TMEM269: variants seen among roughly 807,000 people sequenced by gnomAD.
The protein encoded by TMEM269 is transmembrane protein 269.
In TMEM269, 12 loss-of-function variants were observed where a neutral mutation model predicts 15.8. The ratio of observed to expected loss-of-function variants is 0.76; its 90% CI spans 0.49 to 1.23. The LOEUF (loss-of-function observed/expected upper bound fraction) is 1.23. Among genes scored for constraint, TMEM269 ranks in the 50% most tolerant of loss-of-function variants. The probability of loss-of-function intolerance (pLI) is 0.00; values close to 1 mark genes in which losing one functional copy is unlikely to be tolerated. For missense variants in TMEM269, 211 were observed against 245.4 expected (o/e 0.86, Z 0.94); for synonymous variants, 93 against 99.3 (o/e 0.94, Z 0.38).
intron 2 of TMEM269, 23 bp downstream of exon 2, chr1:42,789,957 T>C: frequency 6.5e-7 from 1 of 1,529,152 alleles, no homozygotes; most frequent in Non-Finnish European, 8.9e-7. Flanking sequence ...CCCAGCAAGC[T>C]CTTAGCCAAG....
intron 2 of TMEM269, among the ~76,000 whole-genome samples, chr1:42,790,433 A>G (rs1653663793): frequency 6.6e-6 from 1 of 152,060 alleles, no homozygotes; most frequent in African/African-American, 2.4e-5. Context: ...TCAGTAAGTG[A>G]CTTCTCTTTG....
At chr1:42,798,018 T>G (rs1351333206) in intron 5 of TMEM269, 80 bp from the exon 6 acceptor site, 2 of 1,474,062 alleles carry the variant, frequency 1.4e-6, no homozygotes, top group Admixed American at 2.0e-5. Flanking sequence ...AATGGGAGGG[T>G]GGGGACGGGA....
chr1:42,791,609 T>G (rs761230240), intron 2 of TMEM269, among the ~76,000 whole-genome samples: 2 of 152,158 alleles, frequency 1.3e-5, no homozygotes, highest in Non-Finnish European at 2.9e-5. Flanking sequence ...ATGCATATAG[T>G]CAAGAAAAGA....
intron 5 of TMEM269, among the ~76,000 whole-genome samples, chr1:42,795,757 G>A (rs1051187506): frequency 6.6e-6 from 1 of 152,174 alleles, no homozygotes; most frequent in Non-Finnish European, 1.5e-5. Flanking sequence ...CTCTTAAAAT[G>A]TGCTCCTGTA....
chr1:42,789,282 CTG>C, intron 1 of TMEM269: 2 of 634,530 alleles, frequency 3.2e-6, no homozygotes, highest in Admixed American at 5.1e-5. Context: ...GCTGTTCTGA[CTG>C]GGGCCTGTCA....
chr1:42,790,890 G>A (rs1653673449), intron 2 of TMEM269, among the ~76,000 whole-genome samples: 1 of 152,144 alleles, frequency 6.6e-6, no homozygotes, highest in Admixed American at 6.6e-5. Context: ...CTGAGGTCTA[G>A]GTCAGGCCCT....
In TMEM269 at chr1:42,797,301, A is replaced by G. The variant is rs1011384385; in HGVS notation, c.485-797A>G. ...AGCAAAGGGAAAAGGTGCATGGGAAAAAGTTCAGGGGAAACCAGGTGCAAG... is the reference window on the plus strand; with the variant it reads ...AGCAAAGGGAAAAGGTGCATGGGAAGAAGTTCAGGGGAAACCAGGTGCAAG... On this transcript the variant is annotated intron_variant, in intron 5 of 5. Coordinates refer to ENST00000637012, the MANE Select transcript of TMEM269 (RefSeq NM_001354602.2). This position sits in a 1 kb window ranked among gnomAD's most constrained non-coding sequence, Gnocchi z 4.9. 6.6e-6 allele frequency among the ~76,000 whole-genome samples: 1 copy of G among 152,182 alleles called. No homozygotes were observed. The highest frequency in any genetic ancestry group is 2.4e-5 in the African/African-American group (1 of 41,446).
chr1:42,792,604 T>C (rs1184997608), intron 2 of TMEM269, among the ~76,000 whole-genome samples: 2 of 152,090 alleles, frequency 1.3e-5, no homozygotes, highest in Non-Finnish European at 1.5e-5. Flanking sequence ...CATGTGTATG[T>C]GCATGTGTGG....
At chr1:42,798,072 A>G (rs1423204183) in intron 5 of TMEM269, 26 bp from the exon 6 acceptor site, 2 of 1,550,868 alleles carry the variant, frequency 1.3e-6, no homozygotes, top group African/African-American at 2.7e-5. Flanking sequence ...CTAGAAATTG[A>G]GTGTCTGCAC....
intron 1 of TMEM269, among the ~76,000 whole-genome samples, chr1:42,786,933 CTCAAA>C (rs1435988004): frequency 1.3e-5 from 2 of 152,208 alleles, no homozygotes; most frequent in East Asian, 1.9e-4. Context: ...AAAGAGGAGA[CTCAAA>C]TCAAATCCTG....
intron 1 of TMEM269, among the ~76,000 whole-genome samples, chr1:42,787,609 A>AG (rs1354992737): frequency 2.1e-5 from 1 of 47,066 alleles, no homozygotes; most frequent in Non-Finnish European, 4.8e-5. Context: ...TCCGTCTCAA[A>AG]AAAAAAAAAA....
At chr1:42,793,017 A>C in intron 3 of TMEM269, 115 bp downstream of exon 3, 1 of 815,460 alleles carries the variant, frequency 1.2e-6, no homozygotes, top group Non-Finnish European at 2.0e-6. Context: ...ACCCCTGTTC[A>C]CACCCCGCTG....
chr1:42,793,585 G>A lies in TMEM269; in HGVS notation c.140-16G>A. On this transcript the variant is annotated splice_polypyrimidine_tract_variant and intron_variant, in intron 3 of 5. Transcript: ENST00000637012. ...TGGGAGTATAAGTTCTTCTAACCTT[G>A]GGCCGTCTGGGGCAGGAGCCGAGCT... is the stretch of plus-strand genomic sequence containing the variant. 6.5e-7 allele frequency: 1 copy of A among 1,545,662 alleles called. No individual in the cohort carries two copies. The highest frequency in any genetic ancestry group is 1.2e-5 in the South Asian group (1 of 83,368).
Position 42,792,826 on chromosome 1 carries a change from G to A in TMEM269, c.63G>A (p.Arg21=). 1 of 1,550,628 alleles carries A rather than the reference G, an allele frequency of 6.4e-7. No homozygotes were observed. Among genetic ancestry groups the A allele is most frequent in the Non-Finnish European group, 8.7e-7 (1 of 1,147,030 alleles). The change falls in exon 3 of 6, where the codon CGG becomes CGA. Residue 21 remains arginine (R), a synonymous_variant. Transcript: ENST00000637012. ...TTAGGAAATGCCACTATGCCTCCCG[G>A]ATGCTCCTGGTCAGCTTCCTGTTAG... The part of the protein sequence containing the change: ...SFSRKCHYAS[R]MLLVSFLLDM...
At chr1:42,787,589 A>G (rs1440361495) in intron 1 of TMEM269, among the ~76,000 whole-genome samples, 2 of 126,954 alleles carry the variant, frequency 1.6e-5, no homozygotes, top group East Asian at 5.4e-4. Context: ...CCTGGGCGAC[A>G]GAGCGAGACT....
At position 42,799,123 on chromosome 1, in the gene TMEM269, C is replaced by CA. The variant is rs1653846073; in HGVS notation, c.*899dup. The CA allele has an allele frequency of 6.6e-6, 1 of 152,052 alleles. No homozygotes were observed. 9.4% of individuals were successfully genotyped at this position (152,052 alleles called of 1,614,324 possible). On this transcript the variant is annotated 3_prime_UTR_variant, in exon 6 of 6. Coordinates refer to ENST00000637012, the MANE Select transcript of TMEM269 (RefSeq NM_001354602.2). Reference sequence around the variant, plus strand: ...TAGATACATTGGTGACACAGGGCATCATCTGGCTTGCAGGATCTCGTGTGG... The same window carrying CA: ...TAGATACATTGGTGACACAGGGCATCAATCTGGCTTGCAGGATCTCGTGTGG...
chr1:42,786,148 C>T (rs1653539530), intron 1 of TMEM269, among the ~76,000 whole-genome samples: 1 of 152,188 alleles, frequency 6.6e-6, no homozygotes, highest in South Asian at 2.1e-4. Flanking sequence ...CCACACTGGG[C>T]AGGGTTAGAT....
intron 1 of TMEM269, among the ~76,000 whole-genome samples, chr1:42,787,366 C>T (rs1490009945): frequency 6.6e-6 from 1 of 150,884 alleles, no homozygotes; most frequent in Non-Finnish European, 1.5e-5. Context: ...TTTGGGAGGC[C>T]GAGGCGGGTG....
chr1:42,796,110 T>G (rs7547717), intron 5 of TMEM269, among the ~76,000 whole-genome samples: 50,247 of 152,096 alleles, frequency 0.33, 8,799 homozygotes, highest in East Asian at 0.65. Context: ...TAATCCCTAC[T>G]TTGCAGGATT....
Sources: allele counts gnomAD v4.1 joint callset (sites outside exome capture counted in the v4.1 genomes callset), GRCh38; gene constraint gnomAD v4.1.1; non-coding constraint Gnocchi (gnomAD v3.1); transcripts MANE v1.5; gene names NCBI Gene and HGNC (gene_info 2026-07-23, HGNC 2026-07-21).